The following LMNB1 variants were observed in gnomAD, a reference collection of about 807,000 sequenced individuals.
LMNB1 encodes the protein lamin-B1.
In LMNB1, 23 loss-of-function variants were observed where a neutral mutation model predicts 67.1. The observed-to-expected ratio is 0.34, with a 90% CI of 0.25 to 0.49. The LOEUF is 0.49. Ranked by LOEUF, LMNB1 falls within the 20% of genes least tolerant of loss-of-function variation. The pLI is 0.99. For missense variants in LMNB1, 634 were observed against 746.5 expected (o/e 0.85, Z 1.76); for synonymous variants, 281 against 282.9 (o/e 0.99, Z 0.07).
intron 6 of LMNB1, among the ~76,000 whole-genome samples, chr5:126,819,894 C>T (rs996810185): frequency 5.3e-5 from 8 of 152,220 alleles, no homozygotes; most frequent in African/African-American, 1.7e-4. Flanking sequence ...CCTGTAATCC[C>T]GGCACTTTGG....
chr5:126,797,409 T>C lies in LMNB1; in HGVS notation c.360-7367T>C, dbSNP rs940258501. Among the ~76,000 whole-genome samples, 21 of 152,182 alleles carry C rather than the reference T, an allele frequency of 1.4e-4. 1 individual carries two copies. ...CTTATCTGGAATATAAATAGTTTAA[T>C]CAGGCAGGTGGATAACACAACAAAT... On this transcript the variant is annotated intron_variant, in intron 1 of 10. Transcript: ENST00000261366.
intron 3 of LMNB1, 90 bp downstream of exon 3, chr5:126,805,786 G>A (rs960457906): frequency 1.0e-6 from 1 of 994,540 alleles, no homozygotes; most frequent in East Asian, 2.5e-5. Context: ...TTTTATTTAT[G>A]ATTTCTTTGC....
rs557447777 is a variant in LMNB1, at chr5:126,789,968, C to T, written c.359+12101C>T. ...GATTACAGGCGTGAGCCACTGTGCC[C>T]GGCCTAATTTTACATTTTTAATAGA... On this transcript the variant is annotated intron_variant, in intron 1 of 10. Transcript: ENST00000261366. Among the ~76,000 whole-genome samples, 28 of 150,912 alleles carry T rather than the reference C, an allele frequency of 1.9e-4. No homozygotes were observed. The South Asian group carries it at 2.9e-3, about 16-fold the overall frequency.
intron 9 of LMNB1, among the ~76,000 whole-genome samples, chr5:126,832,048 T>A (rs1752147229): frequency 6.6e-6 from 1 of 152,082 alleles, no homozygotes; most frequent in South Asian, 2.1e-4. Context: ...GGTGGATCAC[T>A]TGAAACCAGG....
intron 7 of LMNB1, among the ~76,000 whole-genome samples, chr5:126,822,427 T>G (rs1276304047): frequency 1.3e-5 from 2 of 152,268 alleles, no homozygotes; most frequent in African/African-American, 4.8e-5. Context: ...AAGCTTGAAG[T>G]AATCCAATAC....
rs777898877 is a variant in LMNB1, at chr5:126,818,993, C to T, written c.1011C>T (p.Arg337=). The change falls in exon 6 of 11, where the codon CGC becomes CGT. Residue 337 remains arginine (R), a synonymous_variant. Transcript: ENST00000261366. ...LLAKEKDNSR[R]MLTDKEREMA... is the part of the protein sequence containing the mutation. ...CTAAAGAAAAAGACAACTCTCGTCGCATGCTGACAGACAAAGAGAGAGAGA... is the reference window on the plus strand; with the variant it reads ...CTAAAGAAAAAGACAACTCTCGTCGTATGCTGACAGACAAAGAGAGAGAGA... 6.2e-7 allele frequency: 1 copy of T among 1,614,128 alleles called. No homozygotes were observed.
intron 6 of LMNB1, among the ~76,000 whole-genome samples, chr5:126,820,229 G>A (rs979531554): frequency 5.9e-5 from 9 of 152,128 alleles, no homozygotes; most frequent in African/African-American, 1.7e-4. Context: ...TATTATATCC[G>A]TTGTGATCAT....
intron 3 of LMNB1, among the ~76,000 whole-genome samples, chr5:126,808,939 G>A (rs747065304): frequency 8.6e-5 from 13 of 151,516 alleles, no homozygotes; most frequent in Non-Finnish European, 1.8e-4. Context: ...GCAGTGGTGC[G>A]ATCTTGGCTC....
chr5:126,826,185 T>C, intron 9 of LMNB1, 78 bp downstream of exon 9: 1 of 1,486,640 alleles, frequency 6.7e-7, no homozygotes, highest in Non-Finnish European at 9.1e-7. Context: ...AAGATCAGAT[T>C]GAAACGTGCA....
chr5:126,801,173 T>TG (rs1164159274), intron 1 of LMNB1, among the ~76,000 whole-genome samples: 3 of 150,308 alleles, frequency 2.0e-5, no homozygotes, highest in Non-Finnish European at 1.5e-5. Context: ...TTAGTAGAGA[T>TG]GGGGTCTCAC....
intron 1 of LMNB1, among the ~76,000 whole-genome samples, chr5:126,788,119 G>A (rs757794189): frequency 1.6e-4 from 24 of 152,188 alleles, no homozygotes; most frequent in Non-Finnish European, 3.1e-4. Context: ...AGAGTCTAGG[G>A]TGACTGCTTC....
intron 1 of LMNB1, among the ~76,000 whole-genome samples, chr5:126,800,815 G>C (rs1332437782): frequency 6.8e-6 from 1 of 147,440 alleles, no homozygotes; most frequent in East Asian, 2.0e-4. Context: ...ATCACGCCTG[G>C]CTAATTTTGT....
chr5:126,828,043 T>A (rs979352689), intron 9 of LMNB1, among the ~76,000 whole-genome samples: 2 of 152,070 alleles, frequency 1.3e-5, no homozygotes, highest in Non-Finnish European at 2.9e-5. Context: ...GATGCATTTT[T>A]TAAAAAAAAA....
chr5:126,797,775 A>G lies in LMNB1; in HGVS notation c.360-7001A>G, dbSNP rs543317535. Reference sequence around the variant, plus strand: ...ATGTATCCTTGACAACTCATGTGACATAGAAGACTCATTGATTTGGCTGAG... The same window carrying G: ...ATGTATCCTTGACAACTCATGTGACGTAGAAGACTCATTGATTTGGCTGAG... On this transcript the variant is annotated intron_variant, in intron 1 of 10. Transcript: ENST00000261366. 3.9e-5 allele frequency among the ~76,000 whole-genome samples: 6 copies of G among 152,320 alleles called. No homozygotes were observed. The East Asian group carries it at 7.7e-4, about 20-fold the overall frequency.
intron 1 of LMNB1, among the ~76,000 whole-genome samples, chr5:126,779,987 G>C (rs2112915954): frequency 6.6e-6 from 1 of 151,936 alleles, no homozygotes; most frequent in East Asian, 1.9e-4. Context: ...AGCTGAGATT[G>C]CGCCATTGCA....
intron 1 of LMNB1, among the ~76,000 whole-genome samples, chr5:126,780,298 G>C (rs1423386632): frequency 2.6e-5 from 4 of 152,224 alleles, no homozygotes; most frequent in African/African-American, 9.6e-5. Context: ...CTTTGTTGCT[G>C]AGAGTGTAGT....
At chr5:126,832,157 AC>A (rs1752150215) in intron 9 of LMNB1, among the ~76,000 whole-genome samples, 1 of 152,114 alleles carries the variant, frequency 6.6e-6, no homozygotes, top group Non-Finnish European at 1.5e-5. Flanking sequence ...AATCCCAGCT[AC>A]TGGGGTGGCT....
chr5:126,800,982 A>ATAAAATTTTTTTTT, intron 1 of LMNB1, among the ~76,000 whole-genome samples: 1 of 18,638 alleles, frequency 5.4e-5, no homozygotes, highest in African/African-American at 1.7e-4. Context: ...TATATATATA[A>ATAAAATTTTTTTTT]TTTTTTTTTT....
In LMNB1 at chr5:126,822,902, A is replaced by G. The variant is rs754342676; in HGVS notation, c.1491+17A>G. ...ACTGTTACAGTAAGTGAATCTAGTC[A>G]TCATTTAATTTAACTTCATTGTGTT... On this transcript the variant is annotated intron_variant, in intron 8 of 10. Transcript: ENST00000261366. 1 of 1,458,754 alleles carries G rather than the reference A, an allele frequency of 6.9e-7. No homozygotes were observed. The highest frequency in any genetic ancestry group is 1.2e-5 in the South Asian group (1 of 86,380). The allele number at this position is 1,458,754 out of a possible 1,614,324, so 90.4% of individuals were successfully genotyped here. A position where few individuals can be genotyped will look rare whatever the true frequency, so the allele number is the denominator to read the frequency against.
Sources: gnomAD v4.1 joint callset for allele counts (sites outside exome capture counted in the v4.1 genomes callset) on GRCh38, gnomAD v4.1.1 for gene constraint, MANE v1.5 for transcripts, NCBI Gene and HGNC (gene_info 2026-07-23, HGNC 2026-07-21) for gene names.